WWOX: variants seen among roughly 807,000 people sequenced by gnomAD.
The protein encoded by WWOX is WW domain-containing oxidoreductase.
In WWOX, 69 loss-of-function variants were observed where a neutral mutation model predicts 46.2. That is an observed-to-expected ratio of 1.49 (90% CI 1.23 to 1.82). WWOX has a LOEUF of 1.82. Ranked by LOEUF, WWOX falls within the 40% of genes most tolerant of loss-of-function variation. The pLI is 0.00. For missense variants in WWOX, 919 were observed against 542.6 expected, an observed-to-expected ratio of 1.69 and a Z score of -6.89; for synonymous variants, 359 against 202.6, an observed-to-expected ratio of 1.77 and a Z score of -6.56.
At chr16:79,155,820 G>A (rs889810805) in intron 8 of WWOX, among the ~76,000 whole-genome samples, 2 of 151,944 alleles carry the variant, frequency 1.3e-5, no homozygotes, top group African/African-American at 4.8e-5. Flanking sequence ...TACCAGTGGT[G>A]CCTAGCATGG....
intron 4 of WWOX, among the ~76,000 whole-genome samples, chr16:78,145,251 A>G (rs979933916): frequency 2.0e-5 from 3 of 151,974 alleles, no homozygotes; most frequent in Admixed American, 6.6e-5. Flanking sequence ...TATGAAGGGG[A>G]GTTTATTAAG....
intron 8 of WWOX, among the ~76,000 whole-genome samples, chr16:78,620,073 A>G (rs957864846): frequency 6.6e-6 from 1 of 152,178 alleles, no homozygotes; most frequent in Non-Finnish European, 1.5e-5. Flanking sequence ...ATCTCTAATT[A>G]ATAATGAGTT....
chr16:78,557,085 G>T lies in WWOX; in HGVS notation c.1056+124333G>T, dbSNP rs1445170031. Among the ~76,000 whole-genome samples, 4 of 152,296 alleles carry T rather than the reference G, an allele frequency of 2.6e-5. No individual in the cohort carries two copies. In the East Asian group the frequency reaches 7.7e-4, roughly 29 times the overall value. ...AAGGGATTGTCCTAAGTGAGAAGCA[G>T]AGATGAAAATGTGGAAGGATGATTG... On this transcript the variant is annotated intron_variant, in intron 8 of 8. Coordinates refer to ENST00000566780, the MANE Select transcript of WWOX (RefSeq NM_016373.4).
chr16:78,917,472 G>C (rs1270923662), intron 8 of WWOX, among the ~76,000 whole-genome samples: 2 of 150,778 alleles, frequency 1.3e-5, no homozygotes, highest in African/African-American at 2.5e-5. Flanking sequence ...CCTACCCCGA[G>C]AGCTGGCTGA....
intron 5 of WWOX, among the ~76,000 whole-genome samples, chr16:78,170,606 A>T (rs759250954): frequency 2.0e-5 from 3 of 152,230 alleles, no homozygotes; most frequent in Non-Finnish European, 4.4e-5. Context: ...GGACTCCTAC[A>T]TTTTAATGGA....
At chr16:78,527,991 C>CTTTTTGTTTTTTTTTTTTT (rs2043519108) in intron 8 of WWOX, among the ~76,000 whole-genome samples, 1 of 34,880 alleles carries the variant, frequency 2.9e-5, no homozygotes, top group African/African-American at 1.0e-4. Flanking sequence ...GGTACATGTC[C>CTTTTTGTTTTTTTTTTTTT]TTTTTTTTTT....
At chr16:78,508,310 C>CTTTTTTTTTTTTTTTTTTT (rs60281450) in intron 8 of WWOX, among the ~76,000 whole-genome samples, 1 of 112,796 alleles carries the variant, frequency 8.9e-6, no homozygotes, top group African/African-American at 4.3e-5. Flanking sequence ...TGCGCCCGGC[C>CTTTTTTTTTTTTTTTTTTT]TTTTTTTTTT....
At chr16:79,118,102 G>A (rs996070643) in intron 8 of WWOX, among the ~76,000 whole-genome samples, 2 of 152,190 alleles carry the variant, frequency 1.3e-5, no homozygotes, top group South Asian at 4.1e-4. Flanking sequence ...TGGCTTTCTC[G>A]TTAAGCTTAA....
chr16:78,477,528 C>A (rs540817283), intron 8 of WWOX, among the ~76,000 whole-genome samples: 1 of 151,824 alleles, frequency 6.6e-6, no homozygotes, highest in Non-Finnish European at 1.5e-5. Context: ...GTGTTCATGC[C>A]GCAATGCACT....
intron 8 of WWOX, among the ~76,000 whole-genome samples, chr16:78,620,331 T>A (rs1203532759): frequency 1.3e-5 from 2 of 152,232 alleles, no homozygotes; most frequent in Non-Finnish European, 2.9e-5. Context: ...ATAGAATCCC[T>A]GCATTGTGCC....
At chr16:78,667,386 A>G (rs1216337525) in intron 8 of WWOX, among the ~76,000 whole-genome samples, 1 of 152,180 alleles carries the variant, frequency 6.6e-6, no homozygotes, top group Non-Finnish European at 1.5e-5. Flanking sequence ...ATTAAAAATG[A>G]TATGATGGGT....
At chr16:79,201,829 G>T (rs1386672306) in intron 8 of WWOX, among the ~76,000 whole-genome samples, 1 of 152,096 alleles carries the variant, frequency 6.6e-6, no homozygotes, top group African/African-American at 2.4e-5. Context: ...TTTGTCAGAG[G>T]AAGGCAGCCT....
intron 5 of WWOX, among the ~76,000 whole-genome samples, chr16:78,329,851 A>G (rs1567504943): frequency 6.6e-6 from 1 of 150,932 alleles, no homozygotes; most frequent in Non-Finnish European, 1.5e-5. Context: ...GGCTCCAGTG[A>G]TTCTCCCACC....
intron 8 of WWOX, among the ~76,000 whole-genome samples, chr16:78,457,351 T>C (rs1463163998): frequency 6.6e-6 from 1 of 152,224 alleles, no homozygotes; most frequent in Non-Finnish European, 1.5e-5. Flanking sequence ...TTCTCTTGGT[T>C]CCTTCAAAGT....
chr16:78,156,171 C>G (rs1303025841), intron 4 of WWOX, among the ~76,000 whole-genome samples: 1 of 152,174 alleles, frequency 6.6e-6, no homozygotes, highest in East Asian at 1.9e-4. Flanking sequence ...CAGGAATTCT[C>G]TAAAGGAGAG....
intron 8 of WWOX, among the ~76,000 whole-genome samples, chr16:78,696,030 G>A (rs1454662133): frequency 6.6e-6 from 1 of 152,158 alleles, no homozygotes; most frequent in East Asian, 1.9e-4. Flanking sequence ...GTGGGAGCCT[G>A]TAGGCTGCAG....
chr16:78,717,786 A>T (rs2142342748), intron 8 of WWOX, among the ~76,000 whole-genome samples: 1 of 152,274 alleles, frequency 6.6e-6, no homozygotes, highest in South Asian at 2.1e-4. Context: ...AGGTGGGAAC[A>T]TATTTAGAAG....
At chr16:78,325,121 G>A (rs1054113501) in intron 5 of WWOX, among the ~76,000 whole-genome samples, 4 of 152,154 alleles carry the variant, frequency 2.6e-5, no homozygotes, top group Non-Finnish European at 5.9e-5. Context: ...CCGTCACAGG[G>A]CTGTGGCAGC....
intron 8 of WWOX, among the ~76,000 whole-genome samples, chr16:79,037,940 G>A (rs138540874): frequency 2.1e-4 from 32 of 151,978 alleles, no homozygotes; most frequent in African/African-American, 6.8e-4. Flanking sequence ...ACTCACACTC[G>A]CATTTCTTTT....
Sources: allele counts gnomAD v4.1 joint callset (sites outside exome capture counted in the v4.1 genomes callset), GRCh38; gene constraint gnomAD v4.1.1; transcripts MANE v1.5; gene names NCBI Gene and HGNC (gene_info 2026-07-23, HGNC 2026-07-21).